The following PCDHA11 variants were observed in gnomAD, a reference collection of about 807,000 sequenced individuals.
PCDHA11 encodes the protein protocadherin alpha-11.
In PCDHA11, 61 loss-of-function variants were observed where a neutral mutation model predicts 70.3. The observed-to-expected ratio is 0.87, with a 90% CI of 0.71 to 1.07. The LOEUF is 1.07. Ranked by LOEUF, PCDHA11 falls within the 50% of genes least tolerant of loss-of-function variation. The pLI is 0.00. For synonymous variants in PCDHA11, 633 were observed against 555.1 expected (o/e 1.14, Z -1.97); for missense variants, 1,324 against 1,237.5 (o/e 1.07, Z -1.05).
At chr5:140,980,595 A>G (rs2096897056) in intron 2 of PCDHA11, among the ~76,000 whole-genome samples, 1 of 152,222 alleles carries the variant, frequency 6.6e-6, no homozygotes, top group South Asian at 2.1e-4. Context: ...GAGCCACTGC[A>G]CTCCAGCCTG....
chr5:140,872,338 A>G (rs970096150), intron 1 of PCDHA11, among the ~76,000 whole-genome samples: 2 of 152,156 alleles, frequency 1.3e-5, no homozygotes, highest in Non-Finnish European at 2.9e-5. Flanking sequence ...AAAATTCTAC[A>G]TGTTCTTGCC....
chr5:140,965,990 G>A (rs1292240100), intron 1 of PCDHA11, among the ~76,000 whole-genome samples: 4 of 152,194 alleles, frequency 2.6e-5, no homozygotes, highest in African/African-American at 9.6e-5. Context: ...ACTTTCTGCA[G>A]TACTTAAGAG....
At chr5:140,889,009 C>T (rs1030437186) in intron 1 of PCDHA11, among the ~76,000 whole-genome samples, 7 of 152,128 alleles carry the variant, frequency 4.6e-5, no homozygotes, top group Admixed American at 1.3e-4. Flanking sequence ...GCAAACCAAC[C>T]TCTACTTCCT....
At chr5:140,942,239 T>A (rs1554214876) in intron 1 of PCDHA11, among the ~76,000 whole-genome samples, 1 of 152,156 alleles carries the variant, frequency 6.6e-6, no homozygotes, top group Admixed American at 6.6e-5. Flanking sequence ...AAATAAGATA[T>A]CCATATCATT....
intron 1 of PCDHA11, among the ~76,000 whole-genome samples, chr5:140,905,357 A>G (rs1280254509): frequency 1.3e-5 from 2 of 152,052 alleles, no homozygotes; most frequent in African/African-American, 4.8e-5. Flanking sequence ...GTATTTGACT[A>G]TATTTCTGGT....
At chr5:140,982,607 G>T (rs868934947) in intron 3 of PCDHA11, 44 bp downstream of exon 3, 2 of 1,601,622 alleles carry the variant, frequency 1.2e-6, no homozygotes, top group South Asian at 1.1e-5. Flanking sequence ...TTTCTGGAAA[G>T]TGATCAGATG....
At chr5:141,002,550 G>A (rs1458455103) in intron 3 of PCDHA11, among the ~76,000 whole-genome samples, 1 of 152,186 alleles carries the variant, frequency 6.6e-6, no homozygotes, top group African/African-American at 2.4e-5. Context: ...TGAGTCCCAG[G>A]ATCCACCAGT....
intron 1 of PCDHA11, among the ~76,000 whole-genome samples, chr5:140,924,127 A>G (rs2081688492): frequency 6.6e-6 from 1 of 152,252 alleles, no homozygotes; most frequent in African/African-American, 2.4e-5. Flanking sequence ...CTTGCTTAGC[A>G]GCATTAATTT....
intron 1 of PCDHA11, among the ~76,000 whole-genome samples, chr5:140,902,546 A>G (rs1456804685): frequency 6.6e-6 from 1 of 152,088 alleles, no homozygotes; most frequent in Non-Finnish European, 1.5e-5. Context: ...TGTTCCTTCT[A>G]TACCCAGATT....
At chr5:140,941,202 CCTTTCTTTCTTCCTTT>C (rs1307053809) in intron 1 of PCDHA11, among the ~76,000 whole-genome samples, 1 of 122,742 alleles carries the variant, frequency 8.1e-6, no homozygotes, top group Non-Finnish European at 1.8e-5. Context: ...TTTCTTTCTT[CCTTTCTTTCTTCCTTT>C]CTTTCTTTCT....
intron 3 of PCDHA11, among the ~76,000 whole-genome samples, chr5:140,987,227 AT>A (rs1395687024): frequency 4.6e-5 from 7 of 151,696 alleles, no homozygotes; most frequent in African/African-American, 1.7e-4. Context: ...AAAAAAAAAA[AT>A]AATAAATAAA....
intron 1 of PCDHA11, chr5:140,876,327 G>T: frequency 6.2e-7 from 1 of 1,614,026 alleles, no homozygotes. Flanking sequence ...AAATGATTTT[G>T]CCAGTGAGTG....
chr5:140,876,860 T>C (rs2056650252), intron 1 of PCDHA11: 1 of 1,613,918 alleles, frequency 6.2e-7, no homozygotes, highest in African/African-American at 1.3e-5. Context: ...TACACAGTGT[T>C]CGTGAAGGAG....
At chr5:140,909,866 A>G (rs1203006388) in intron 1 of PCDHA11, among the ~76,000 whole-genome samples, 2 of 152,212 alleles carry the variant, frequency 1.3e-5, no homozygotes, top group African/African-American at 2.4e-5. Context: ...CCTGGAGTCA[A>G]CGTCAGCTTA....
intron 1 of PCDHA11, among the ~76,000 whole-genome samples, chr5:140,872,145 G>A (rs2053502547): frequency 6.6e-6 from 1 of 151,676 alleles, no homozygotes; most frequent in Non-Finnish European, 1.5e-5. Context: ...TACTCCATTA[G>A]TATGACATGA....
chr5:140,872,265 T>G (rs2053570965), intron 1 of PCDHA11, among the ~76,000 whole-genome samples: 1 of 152,164 alleles, frequency 6.6e-6, no homozygotes, highest in South Asian at 2.1e-4. Context: ...TGTTTTCATA[T>G]TGTTTGAAGA....
At chr5:140,905,333 T>A (rs180881008) in intron 1 of PCDHA11, among the ~76,000 whole-genome samples, 2 of 152,324 alleles carry the variant, frequency 1.3e-5, no homozygotes, top group Admixed American at 1.3e-4. Flanking sequence ...TTGTTGAAGA[T>A]CAGTTGGCTG....
At chr5:140,906,807 A>G (rs2072952420) in intron 1 of PCDHA11, among the ~76,000 whole-genome samples, 1 of 152,004 alleles carries the variant, frequency 6.6e-6, no homozygotes, top group African/African-American at 2.4e-5. Flanking sequence ...ACTCTTCCTT[A>G]CCTCCACTGT....
rs182605806 is a variant in PCDHA11 at position 140,924,980 on chromosome 5, T to C, written c.2391+53486T>C. On this transcript the variant is annotated intron_variant, in intron 1 of 3. Transcript: ENST00000398640. ...TGCAAGGTGAGTGCAGTGGCTCATG[T>C]CTGTAATCCTAGCACTTTAGGAGGC... is the stretch of plus-strand genomic sequence containing the variant. Among the ~76,000 whole-genome samples, 408 of 150,900 alleles carry C rather than the reference T, an allele frequency of 2.7e-3. 2 individuals are homozygous for C. The highest frequency in any genetic ancestry group is 0.014 in the Middle Eastern group (4 of 288).
Sources: allele counts gnomAD v4.1 joint callset (sites outside exome capture counted in the v4.1 genomes callset), GRCh38; gene constraint gnomAD v4.1.1; transcripts MANE v1.5; gene names NCBI Gene and HGNC (gene_info 2026-07-23, HGNC 2026-07-21).